MASP2: variants seen among roughly 807,000 people sequenced by gnomAD.
MASP2 encodes the protein mannan-binding lectin serine protease 2.
A neutral mutation model predicts 57.1 loss-of-function variants in MASP2; 49 were observed. That is an observed-to-expected ratio of 0.86 (90% CI 0.68 to 1.09). The LOEUF is 1.09. Ranked by LOEUF, MASP2 falls within the 50% of genes least tolerant of loss-of-function variation. MASP2 has a pLI of 0.00. For synonymous variants in MASP2, 379 were observed against 340.8 expected (o/e 1.11, Z -1.24); for missense variants, 900 against 874.8 (o/e 1.03, Z -0.36).
chr1:11,032,051 A>C (rs2100878858), intron 8 of MASP2, among the ~76,000 whole-genome samples: 1 of 152,238 alleles, frequency 6.6e-6, no homozygotes, highest in East Asian at 1.9e-4. Context: ...CAGCCTGGGC[A>C]ACATAGTGAG....
At chr1:11,037,098 G>A (rs1638266087) in intron 7 of MASP2, among the ~76,000 whole-genome samples, 1 of 152,030 alleles carries the variant, frequency 6.6e-6, no homozygotes, top group South Asian at 2.1e-4. Flanking sequence ...TGTCACCCAG[G>A]CTGGAGTGCA....
intron 10 of MASP2, 22 bp from the exon 11 acceptor site, chr1:11,027,670 T>C: frequency 6.4e-7 from 1 of 1,554,672 alleles, no homozygotes; most frequent in Non-Finnish European, 8.7e-7. Flanking sequence ...AGCAGATAGG[T>C]AGAGAGCCTT....
chr1:11,032,075 C>G (rs1282717772), intron 8 of MASP2, among the ~76,000 whole-genome samples: 2 of 150,672 alleles, frequency 1.3e-5, no homozygotes, highest in Non-Finnish European at 1.5e-5. Context: ...CCATCTCTAC[C>G]AAAAATTTAA....
chr1:11,031,454 G>C (rs1303372043), intron 8 of MASP2, among the ~76,000 whole-genome samples: 1 of 149,520 alleles, frequency 6.7e-6, no homozygotes, highest in Non-Finnish European at 1.5e-5. Context: ...GCATGAACCC[G>C]GGAGGCGGAG....
intron 6 of MASP2, among the ~76,000 whole-genome samples, chr1:11,038,042 T>A (rs1638306172): frequency 6.6e-6 from 1 of 152,170 alleles, no homozygotes; most frequent in African/African-American, 2.4e-5. Flanking sequence ...GTGAGAAAGC[T>A]GGGTTATGTG....
chr1:11,044,956 G>T, intron 4 of MASP2: 1 of 1,610,420 alleles, frequency 6.2e-7, no homozygotes, highest in South Asian at 1.1e-5. Context: ...GCTCTGCTCT[G>T]GAAGAGAGAT....
At chr1:11,034,759 AAGCAGCAACAGT>A in intron 8 of MASP2, 57 bp downstream of exon 8, 1 of 1,017,378 alleles carries the variant, frequency 9.8e-7, no homozygotes, top group Non-Finnish European at 1.4e-6. Context: ...GAAGCAATAG[AAGCAGCAACAGT>A]AGCAGCAGAG....
chr1:11,030,059 A>C (rs1643816456), intron 10 of MASP2, 117 bp downstream of exon 10: 3 of 692,170 alleles, frequency 4.3e-6, no homozygotes, highest in African/African-American at 3.6e-5. Context: ...ATAACAGCCT[A>C]AGAGCCAAGT....
Position 11,027,302 on chromosome 1 carries a change from G to A in MASP2, c.1644C>T (p.Ile548=), listed in dbSNP as rs1182986443. The A allele has an allele frequency of 6.2e-7, 1 of 1,613,980 alleles. No homozygotes were observed. The highest frequency in any genetic ancestry group is 8.5e-7 in the Non-Finnish European group (1 of 1,179,894). ...LNNKVVINSN[I]TPICLPRKEA... Reference sequence around the variant, plus strand: ...CTTTTCTTGGCAGACAAATAGGCGTGATGTTGCTATTGATTACAACTTTGT... The same window carrying A: ...CTTTTCTTGGCAGACAAATAGGCGTAATGTTGCTATTGATTACAACTTTGT... The change falls in exon 11 of 11, where the codon ATC becomes ATT. Residue 548 remains isoleucine (I), a synonymous_variant. Transcript: ENST00000400897.
rs181726166 is a variant in MASP2 at position 11,030,555 on chromosome 1, A to G, written c.1222+193T>C. 944 of 602,566 alleles carry G rather than the reference A, an allele frequency of 1.6e-3. 5 individuals are homozygous for G. The highest frequency in any genetic ancestry group is 0.011 in the Middle Eastern group (25 of 2,244). 37.3% of individuals were successfully genotyped at this position (602,566 alleles called of 1,614,324 possible). Reference sequence around the variant, plus strand: ...TGTGTGTTTGTAGTAGTCATTTACTAGATCTGTTTTCAGATTTTTGCAAAT... The same window carrying G: ...TGTGTGTTTGTAGTAGTCATTTACTGGATCTGTTTTCAGATTTTTGCAAAT... On this transcript the variant is annotated intron_variant, in intron 9 of 10. Transcript: ENST00000400897.
At position 11,043,336 on chromosome 1, in the gene MASP2, G is replaced by A; in HGVS notation, c.741+3C>T. 1 of 1,602,750 alleles carries A rather than the reference G, an allele frequency of 6.2e-7. No individual in the cohort carries two copies. The highest frequency in any genetic ancestry group is 8.5e-7 in the Non-Finnish European group (1 of 1,174,652). ...GACAAGATGAGGGGCCCAGGAGCCAGACCTTGAGAAAGTCGTAGGGACACA... is the reference window on the plus strand; with the variant it reads ...GACAAGATGAGGGGCCCAGGAGCCAAACCTTGAGAAAGTCGTAGGGACACA... On this transcript the variant is annotated splice_donor_region_variant and intron_variant, in intron 5 of 10. Transcript: ENST00000400897.
chr1:11,046,460 T>G (rs747887800), intron 3 of MASP2, 96 bp downstream of exon 3: 1 of 1,404,090 alleles, frequency 7.1e-7, no homozygotes, highest in South Asian at 1.2e-5. Flanking sequence ...CTGGGAAAGG[T>G]GGGGAAACTG....
rs1342272387 is a variant in MASP2, at chr1:11,027,665, A to G, written c.1298-17T>C. The G allele has an allele frequency of 1.9e-5, 30 of 1,579,556 alleles. No individual in the cohort carries two copies. The highest frequency in any genetic ancestry group is 2.5e-5 in the Non-Finnish European group (29 of 1,164,050). On this transcript the variant is annotated splice_polypyrimidine_tract_variant and intron_variant, in intron 10 of 10. Transcript: ENST00000400897. ...GTCCACAAACTGGAGAAAGAAGCAG[A>G]TAGGTAGAGAGCCTTTGTAAAAATG... is the stretch of plus-strand genomic sequence containing the variant.
At chr1:11,028,722 T>G (rs60144211) in intron 10 of MASP2, among the ~76,000 whole-genome samples, 15,755 of 148,180 alleles carry the variant, frequency 0.11, 2,769 homozygotes, top group African/African-American at 0.38. Context: ...TTTTTTTTTT[T>G]TTTTTTTTTG....
At chr1:11,040,246 G>A (rs1006669466) in intron 6 of MASP2, among the ~76,000 whole-genome samples, 3 of 152,054 alleles carry the variant, frequency 2.0e-5, no homozygotes, top group African/African-American at 7.3e-5. Flanking sequence ...CAAGGCGGAT[G>A]GATCACGAGG....
intron 6 of MASP2, among the ~76,000 whole-genome samples, chr1:11,041,374 A>AGATG (rs144619009): frequency 0.014 from 1,500 of 107,560 alleles, 31 homozygotes; most frequent in African/African-American, 0.041. Flanking sequence ...AAGAATTGGC[A>AGATG]GATGGATGGA....
At position 11,046,933 on chromosome 1, in the gene MASP2, G is replaced by A. The variant is rs372848454; in HGVS notation, c.192C>T (p.Phe64=). Residue 64 remains phenylalanine (F), a synonymous_variant, in exon 2 of 11, where the codon TTC becomes TTT. Transcript: ENST00000400897. ...GYRLRLYFTH[F]DLELSHLCEY... is the part of the protein sequence containing the mutation. ...CGCAGAGGTGGGAGAGCTCCAGGTCGAAGTGGGTGAAGTAGAGGCGCAGGC... is the reference window on the plus strand; with the variant it reads ...CGCAGAGGTGGGAGAGCTCCAGGTCAAAGTGGGTGAAGTAGAGGCGCAGGC... 18 of 1,571,800 alleles carry A rather than the reference G, an allele frequency of 1.1e-5. No individual in the cohort carries two copies. The South Asian group carries it at 1.4e-4, about 12-fold the overall frequency.
intron 9 of MASP2, 103 bp from the exon 10 acceptor site, chr1:11,030,353 G>T: frequency 1.3e-6 from 1 of 754,844 alleles, no homozygotes. Context: ...AGCATCAGTG[G>T]GACATAGAGG....
intron 1 of MASP2, 34 bp downstream of exon 1, chr1:11,047,169 A>AC: frequency 6.4e-7 from 1 of 1,556,878 alleles, no homozygotes; most frequent in East Asian, 2.4e-5. Context: ...CTCCCACCCC[A>AC]CACCCTGCAG....
Sources: allele counts gnomAD v4.1 joint callset (sites outside exome capture counted in the v4.1 genomes callset), GRCh38; gene constraint gnomAD v4.1.1; transcripts MANE v1.5; gene names NCBI Gene and HGNC (gene_info 2026-07-23, HGNC 2026-07-21).